Variants in LRRTM4 observed in about 807,000 individuals in gnomAD.
LRRTM4 encodes the protein leucine-rich repeat transmembrane neuronal protein 4.
A neutral mutation model predicts 47.6 loss-of-function variants in LRRTM4; 25 were observed. The ratio of observed to expected loss-of-function variants is 0.53; its 90% confidence interval spans 0.38 to 0.73. The LOEUF is 0.73. Ranked by LOEUF, LRRTM4 falls within the 30% of genes least tolerant of loss-of-function variation. LRRTM4 has a pLI of 0.00. For missense variants in LRRTM4, 638 were observed against 713.4 expected (o/e 0.89, Z 1.20); for synonymous variants, 311 against 269.5 (o/e 1.15, Z -1.51).
intron 3 of LRRTM4, among the ~76,000 whole-genome samples, chr2:76,761,013 A>C (rs1310477781): frequency 6.6e-6 from 1 of 152,238 alleles, no homozygotes. Context: ...TTAAATCAAA[A>C]TTTCTAGGGT....
At chr2:77,198,416 G>C (rs1673886034) in intron 3 of LRRTM4, among the ~76,000 whole-genome samples, 1 of 152,184 alleles carries the variant, frequency 6.6e-6, no homozygotes, top group African/African-American at 2.4e-5. Flanking sequence ...CAATGTTATT[G>C]GCTCAGAAAT....
chr2:76,760,980 G>A (rs1356506898), intron 3 of LRRTM4, among the ~76,000 whole-genome samples: 1 of 152,154 alleles, frequency 6.6e-6, no homozygotes, highest in African/African-American at 2.4e-5. Context: ...AAAAACACTT[G>A]TCTGGTCCCT....
intron 3 of LRRTM4, among the ~76,000 whole-genome samples, chr2:77,284,449 A>G (rs2104108468): frequency 6.6e-6 from 1 of 152,248 alleles, no homozygotes; most frequent in Non-Finnish European, 1.5e-5. Context: ...TATAGAAAGT[A>G]GTAAAAAATT....
At chr2:76,842,336 A>G (rs148136995) in intron 3 of LRRTM4, among the ~76,000 whole-genome samples, 4 of 152,302 alleles carry the variant, frequency 2.6e-5, no homozygotes, top group African/African-American at 9.6e-5. Context: ...CAGATGACAG[A>G]TAGTGGAAAT....
chr2:77,298,080 A>G (rs2104152533), intron 3 of LRRTM4, among the ~76,000 whole-genome samples: 1 of 152,326 alleles, frequency 6.6e-6, no homozygotes, highest in African/African-American at 2.4e-5. Flanking sequence ...TCTGCCTCTC[A>G]CTTATCCAAG....
intron 3 of LRRTM4, among the ~76,000 whole-genome samples, chr2:76,979,203 G>A (rs1676514961): frequency 6.6e-6 from 1 of 151,964 alleles, no homozygotes; most frequent in African/African-American, 2.4e-5. Flanking sequence ...TCCCAGAAGT[G>A]CTTCAAGGGT....
At chr2:77,458,820 C>T (rs1205390740) in intron 3 of LRRTM4, among the ~76,000 whole-genome samples, 1 of 150,952 alleles carries the variant, frequency 6.6e-6, no homozygotes. Flanking sequence ...TGTATTATTT[C>T]TGTCATTTCA....
chr2:77,167,636 G>GTTCA (rs1378783686), intron 3 of LRRTM4, among the ~76,000 whole-genome samples: 1 of 152,178 alleles, frequency 6.6e-6, no homozygotes, highest in African/African-American at 2.4e-5. Context: ...AAAATGATGA[G>GTTCA]TTCATGCCCT....
chr2:76,919,442 G>A (rs1674365027), intron 3 of LRRTM4, among the ~76,000 whole-genome samples: 1 of 152,156 alleles, frequency 6.6e-6, no homozygotes, highest in South Asian at 2.1e-4. Context: ...CCAAGGACCA[G>A]TACTGAAGAC....
intron 3 of LRRTM4, among the ~76,000 whole-genome samples, chr2:77,274,684 A>G (rs1676294656): frequency 6.6e-6 from 1 of 152,158 alleles, no homozygotes; most frequent in Non-Finnish European, 1.5e-5. Context: ...TTTTGGCTCT[A>G]CAGTACAATA....
chr2:76,749,362 GTAAA>G (rs1672768878), intron 3 of LRRTM4, among the ~76,000 whole-genome samples: 1 of 152,110 alleles, frequency 6.6e-6, no homozygotes, highest in African/African-American at 2.4e-5. Context: ...TCTGTTTTGT[GTAAA>G]TAAATATATT....
chr2:76,925,224 G>T (rs531284719), intron 3 of LRRTM4, among the ~76,000 whole-genome samples: 1 of 152,184 alleles, frequency 6.6e-6, no homozygotes, highest in Non-Finnish European at 1.5e-5. Flanking sequence ...ATAAGTTAGA[G>T]ATGCTTTCCT....
chr2:76,956,351 A>G (rs1675675017), intron 3 of LRRTM4, among the ~76,000 whole-genome samples: 1 of 151,750 alleles, frequency 6.6e-6, no homozygotes, highest in African/African-American at 2.4e-5. Context: ...CTAATACGTA[A>G]AGAAGGGAAA....
At chr2:76,992,246 C>T (rs1396279747) in intron 3 of LRRTM4, among the ~76,000 whole-genome samples, 1 of 151,790 alleles carries the variant, frequency 6.6e-6, no homozygotes, top group African/African-American at 2.4e-5. Flanking sequence ...TGCCCACTTT[C>T]ACCACTCCTA....
At chr2:77,406,889 C>T (rs547615856) in intron 3 of LRRTM4, among the ~76,000 whole-genome samples, 3 of 152,190 alleles carry the variant, frequency 2.0e-5, no homozygotes, top group Non-Finnish European at 4.4e-5. Context: ...AAAAATACGT[C>T]TTTCCATCCT....
intron 3 of LRRTM4, among the ~76,000 whole-genome samples, chr2:77,340,686 G>T (rs1671341625): frequency 2.6e-5 from 4 of 151,774 alleles, no homozygotes; most frequent in Admixed American, 2.6e-4. Context: ...CACCGTGTTT[G>T]TATTCTCTTG....
chr2:77,439,449 AT>A (rs199536914), intron 3 of LRRTM4, among the ~76,000 whole-genome samples: 5,885 of 152,172 alleles, frequency 0.039, 131 homozygotes, highest in Non-Finnish European at 0.055. Context: ...TGCTTGATTG[AT>A]TTTTTTCTAG....
intron 3 of LRRTM4, among the ~76,000 whole-genome samples, chr2:77,318,030 G>A (rs1205051973): frequency 6.6e-5 from 8 of 122,004 alleles, no homozygotes; most frequent in African/African-American, 1.3e-4. Context: ...TTTTTTAGAC[G>A]GAGTCTCGCT....
At chr2:76,911,102 C>A (rs1558732972) in intron 3 of LRRTM4, among the ~76,000 whole-genome samples, 1 of 152,132 alleles carries the variant, frequency 6.6e-6, no homozygotes, top group Non-Finnish European at 1.5e-5. Flanking sequence ...ACAGAAATAT[C>A]TTTAAAACAT....
Sources: allele counts gnomAD v4.1 joint callset (sites outside exome capture counted in the v4.1 genomes callset), GRCh38; gene constraint gnomAD v4.1.1; transcripts MANE v1.5; gene names NCBI Gene and HGNC (gene_info 2026-07-23, HGNC 2026-07-21).